The following SHISA6 variants were observed in gnomAD, a reference collection of about 807,000 sequenced individuals.
SHISA6 encodes shisa family member 6.
Under a neutral mutation model 47.9 loss-of-function variants are expected in SHISA6, and 22 were observed. The observed-to-expected ratio is 0.46, with a 90% CI of 0.33 to 0.66. The LOEUF (loss-of-function observed/expected upper bound fraction) is 0.66. Ranked by LOEUF, SHISA6 falls within the 30% of genes least tolerant of loss-of-function variation. The pLI, the probability that SHISA6 is intolerant of heterozygous loss-of-function variation, is 0.02. For synonymous variants in SHISA6, 388 were observed against 337.8 expected (o/e 1.15, Z -1.63); for missense variants, 680 against 764.6 (o/e 0.89, Z 1.30).
At chr17:11,483,967 A>T (rs1916281906) in intron 3 of SHISA6, among the ~76,000 whole-genome samples, 1 of 152,342 alleles carries the variant, frequency 6.6e-6, no homozygotes, top group South Asian at 2.1e-4. Context: ...TTTCTTGAAC[A>T]ATTCAGAATT....
chr17:11,256,301 G>T (rs566424382), intron 1 of SHISA6, among the ~76,000 whole-genome samples: 1 of 152,170 alleles, frequency 6.6e-6, no homozygotes, highest in Non-Finnish European at 1.5e-5. Flanking sequence ...TTCGAGACCA[G>T]CCTGGCCAAC....
At chr17:11,283,112 T>C (rs989588875) in intron 2 of SHISA6, among the ~76,000 whole-genome samples, 1 of 152,208 alleles carries the variant, frequency 6.6e-6, no homozygotes, top group Non-Finnish European at 1.5e-5. Context: ...ATCTCTTAAC[T>C]TCGCAGGATT....
chr17:11,268,409 T>TCC (rs1276131949), intron 2 of SHISA6, among the ~76,000 whole-genome samples: 4 of 152,132 alleles, frequency 2.6e-5, no homozygotes, highest in African/African-American at 9.7e-5. Context: ...CCTACTACCT[T>TCC]CTGCTTCCCT....
chr17:11,412,199 T>G (rs1222543053), intron 3 of SHISA6, among the ~76,000 whole-genome samples: 1 of 152,190 alleles, frequency 6.6e-6, no homozygotes, highest in African/African-American at 2.4e-5. Flanking sequence ...GAACTTTAAT[T>G]TTTTCATCTT....
chr17:11,420,264 G>C (rs1267818521), intron 3 of SHISA6, among the ~76,000 whole-genome samples: 4 of 152,108 alleles, frequency 2.6e-5, no homozygotes, highest in Admixed American at 2.6e-4. Context: ...CTGCCCCCGC[G>C]GGACTGGTTG....
chr17:11,245,757 G>GGA (rs1567697989), intron 1 of SHISA6, among the ~76,000 whole-genome samples: 1 of 145,082 alleles, frequency 6.9e-6, no homozygotes, highest in African/African-American at 2.8e-5. Context: ...GGTGGGGGGG[G>GGA]TGGATATCTA....
chr17:11,457,984 C>G (rs1192393972), intron 3 of SHISA6, among the ~76,000 whole-genome samples: 1 of 149,470 alleles, frequency 6.7e-6, no homozygotes, highest in Non-Finnish European at 1.5e-5. Context: ...ACTTAGGAGG[C>G]TGAGGCAGGA....
chr17:11,413,300 TAAAC>T (rs1054546235), intron 3 of SHISA6, among the ~76,000 whole-genome samples: 47 of 152,318 alleles, frequency 3.1e-4, no homozygotes, highest in African/African-American at 1.1e-3. Context: ...AAACCAGGCA[TAAAC>T]AAACAGAGTT....
intron 3 of SHISA6, among the ~76,000 whole-genome samples, chr17:11,380,959 AAGAC>A (rs1202038000): frequency 6.6e-6 from 1 of 152,198 alleles, no homozygotes; most frequent in African/African-American, 2.4e-5. Context: ...GAGAAGGAGA[AAGAC>A]AGAAGACACA....
At chr17:11,296,637 T>C (rs1001284821) in intron 2 of SHISA6, among the ~76,000 whole-genome samples, 2 of 152,160 alleles carry the variant, frequency 1.3e-5, no homozygotes, top group East Asian at 3.9e-4. Flanking sequence ...TGGGCTGAAA[T>C]ATAAATGTGA....
rs140039238 is a variant in SHISA6 at position 11,445,420 on chromosome 17, A to G, written c.895+65911A>G. ...AATTGCATGCAAACCGTCACTGTAC[A>G]CACTCACACATATATCCTTGCAAAA... On this transcript the variant is annotated intron_variant, in intron 3 of 5. Coordinates refer to ENST00000441885, the MANE Select transcript of SHISA6 (RefSeq NM_207386.4). Among the ~76,000 whole-genome samples the G allele has an allele frequency of 3.3e-5, 5 of 152,326 alleles. No homozygotes were observed. The East Asian group carries it at 5.8e-4, about 18-fold the overall frequency.
At chr17:11,419,471 T>C (rs979485459) in intron 3 of SHISA6, among the ~76,000 whole-genome samples, 1 of 152,162 alleles carries the variant, frequency 6.6e-6, no homozygotes, top group Non-Finnish European at 1.5e-5. Flanking sequence ...AATTCTTCAA[T>C]GTTATAAATT....
At chr17:11,462,898 G>A (rs1379477052) in intron 3 of SHISA6, among the ~76,000 whole-genome samples, 1 of 152,218 alleles carries the variant, frequency 6.6e-6, no homozygotes, top group Non-Finnish European at 1.5e-5. Context: ...AAAGTGCTGG[G>A]ATTATAGCGT....
At chr17:11,415,869 G>A (rs205018) in intron 3 of SHISA6, among the ~76,000 whole-genome samples, 95,761 of 151,994 alleles carry the variant, frequency 0.63, 30,612 homozygotes, top group Admixed American at 0.69. Flanking sequence ...GCAAAATACC[G>A]TAGACTTGAT....
chr17:11,446,441 G>T (rs539708910), intron 3 of SHISA6, among the ~76,000 whole-genome samples: 1 of 152,332 alleles, frequency 6.6e-6, no homozygotes, highest in East Asian at 1.9e-4. Flanking sequence ...GCCGCCTCTG[G>T]CTGCCCCTCT....
At chr17:11,245,033 C>T (rs1168221056) in intron 1 of SHISA6, among the ~76,000 whole-genome samples, 1 of 152,218 alleles carries the variant, frequency 6.6e-6, no homozygotes, top group African/African-American at 2.4e-5. Flanking sequence ...TTCCTTTCAT[C>T]TCTCTACTCC....
rs559356407 is a variant in SHISA6 at position 11,300,123 on chromosome 17, C to T, written c.799+36597C>T. ...TCACGCCACTGCACTCCAGCTTGTG[C>T]GACAGAGCAAGACTCCATCTTAAAA... On this transcript the variant is annotated intron_variant, in intron 2 of 5. Transcript: ENST00000441885. Among the ~76,000 whole-genome samples, 21 of 137,166 alleles carry T rather than the reference C, an allele frequency of 1.5e-4. No homozygotes were observed. The South Asian group carries it at 2.5e-3, about 16-fold the overall frequency. 90.0% of individuals were successfully genotyped at this position (137,166 alleles called of 152,430 possible).
At chr17:11,324,590 T>C (rs1056672676) in intron 2 of SHISA6, among the ~76,000 whole-genome samples, 1 of 152,020 alleles carries the variant, frequency 6.6e-6, no homozygotes, top group Non-Finnish European at 1.5e-5. Context: ...GAGAACACAG[T>C]TGTGCTCCAG....
intron 3 of SHISA6, among the ~76,000 whole-genome samples, chr17:11,505,686 C>G (rs2142350615): frequency 6.6e-6 from 1 of 152,278 alleles, no homozygotes; most frequent in Non-Finnish European, 1.5e-5. Context: ...TCATTCATGG[C>G]TATCTCACTT....
Sources: allele counts gnomAD v4.1 joint callset (sites outside exome capture counted in the v4.1 genomes callset), GRCh38; gene constraint gnomAD v4.1.1; transcripts MANE v1.5; gene names NCBI Gene and HGNC (gene_info 2026-07-23, HGNC 2026-07-21).